TTC23: variants seen among roughly 807,000 people sequenced by gnomAD.
TTC23 encodes the protein tetratricopeptide repeat domain 23.
TTC23 carries 58 observed loss-of-function variants against 55.1 expected under a neutral mutation model. The observed-to-expected ratio is 1.05, with a 90% CI of 0.85 to 1.31. TTC23 has a LOEUF of 1.31. TTC23 is among the 50% of genes most tolerant of loss of function. The probability of loss-of-function intolerance (pLI) is 0.00; values close to 1 mark genes in which losing one functional copy is unlikely to be tolerated. For missense variants in TTC23, 516 were observed against 534.4 expected (o/e 0.97, Z 0.34); for synonymous variants, 203 against 199.9 (o/e 1.02, Z -0.13).
intron 10 of TTC23, among the ~76,000 whole-genome samples, chr15:99,166,582 G>A (rs541984869): frequency 6.2e-4 from 94 of 152,318 alleles, no homozygotes; most frequent in South Asian, 2.5e-3. Flanking sequence ...AAGGCAACGC[G>A]GCTATCAAAG....
intron 3 of TTC23, among the ~76,000 whole-genome samples, chr15:99,237,063 C>G (rs1333062608): frequency 6.6e-6 from 1 of 150,996 alleles, no homozygotes; most frequent in African/African-American, 2.4e-5. Flanking sequence ...CTCACTGCAA[C>G]CTTCGCCTCC....
intron 12 of TTC23, among the ~76,000 whole-genome samples, chr15:99,143,812 C>T (rs1172607889): frequency 6.6e-6 from 1 of 152,234 alleles, no homozygotes; most frequent in Non-Finnish European, 1.5e-5. Context: ...GTTTGTCTTG[C>T]TCACCACTGT....
intron 2 of TTC23, among the ~76,000 whole-genome samples, chr15:99,244,668 T>C (rs1423608172): frequency 1.3e-5 from 2 of 152,174 alleles, no homozygotes; most frequent in South Asian, 2.1e-4. Flanking sequence ...TCCATGTTCA[T>C]AGATTAAAAG....
intron 9 of TTC23, among the ~76,000 whole-genome samples, chr15:99,190,789 T>G (rs142185259): frequency 6.6e-6 from 1 of 151,068 alleles, no homozygotes; most frequent in East Asian, 2.0e-4. Context: ...TGTCTTTTTA[T>G]TTTTTTTTGA....
At chr15:99,190,740 T>C (rs1196705292) in intron 9 of TTC23, among the ~76,000 whole-genome samples, 1 of 152,164 alleles carries the variant, frequency 6.6e-6, no homozygotes, top group African/African-American at 2.4e-5. Context: ...GCATGCATAT[T>C]TGAATTCCTT....
intron 13 of TTC23, 37 bp from the exon 14 acceptor site, chr15:99,138,164 C>T (rs147534055): frequency 2.5e-6 from 4 of 1,607,348 alleles, no homozygotes; most frequent in African/African-American, 1.3e-5. Flanking sequence ...GTGTGGTGCC[C>T]CTCAGCCCCC....
At chr15:99,232,164 C>T (rs12441447) in intron 4 of TTC23, among the ~76,000 whole-genome samples, 13,204 of 151,010 alleles carry the variant, frequency 0.087, 826 homozygotes, top group East Asian at 0.31. Context: ...TAGAAAAAAG[C>T]TTATAGAGTA....
chr15:99,207,271 T>A (rs1316384621), intron 8 of TTC23, among the ~76,000 whole-genome samples: 1 of 152,162 alleles, frequency 6.6e-6, no homozygotes, highest in Non-Finnish European at 1.5e-5. Context: ...CTGAAGTACA[T>A]ACAATATATG....
chr15:99,205,902 G>C (rs565763228), intron 8 of TTC23, among the ~76,000 whole-genome samples: 2 of 152,274 alleles, frequency 1.3e-5, no homozygotes, highest in East Asian at 3.9e-4. Flanking sequence ...TTAGAGGAAA[G>C]GCTTTCAGTT....
At chr15:99,176,962 C>G (rs1020331389) in intron 9 of TTC23, among the ~76,000 whole-genome samples, 19 of 152,294 alleles carry the variant, frequency 1.2e-4, no homozygotes, top group Non-Finnish European at 2.4e-4. Context: ...TCAGGGAACC[C>G]TAATTCAGTC....
intron 10 of TTC23, among the ~76,000 whole-genome samples, chr15:99,163,623 C>G (rs1371481166): frequency 6.6e-6 from 1 of 152,234 alleles, no homozygotes; most frequent in Non-Finnish European, 1.5e-5. Flanking sequence ...ATGTCCCCCT[C>G]AAATTCATGT....
chr15:99,250,575 TAA>T (rs1313153703), upstream of TTC23, among the ~76,000 whole-genome samples: 1 of 152,222 alleles, frequency 6.6e-6, no homozygotes, highest in Non-Finnish European at 1.5e-5. Context: ...TGAGACACTT[TAA>T]AAAGTGTCTT....
At chr15:99,219,111 C>T (rs2077705551) in intron 6 of TTC23, 63 bp from the exon 7 acceptor site, 1 of 1,553,750 alleles carries the variant, frequency 6.4e-7, no homozygotes, top group Non-Finnish European at 8.8e-7. Flanking sequence ...GAATACAGTT[C>T]CTTATGGTCT....
chr15:99,213,575 C>T (rs951957141), intron 8 of TTC23, among the ~76,000 whole-genome samples: 19 of 152,262 alleles, frequency 1.2e-4, no homozygotes, highest in Admixed American at 6.5e-5. Context: ...AGACAGAATA[C>T]CTAATTTCTG....
At chr15:99,172,830 A>AT (rs2073111933) in intron 10 of TTC23, among the ~76,000 whole-genome samples, 1 of 152,212 alleles carries the variant, frequency 6.6e-6, no homozygotes, top group African/African-American at 2.4e-5. Flanking sequence ...TATTATTATC[A>AT]TTTTCAATTT....
At chr15:99,202,025 T>C (rs533661461) in intron 8 of TTC23, among the ~76,000 whole-genome samples, 4 of 152,204 alleles carry the variant, frequency 2.6e-5, no homozygotes, top group Admixed American at 6.5e-5. Context: ...TAAAGTTTTA[T>C]TGGCACAATG....
At position 99,218,935 on chromosome 15, in the gene TTC23, A is replaced by G. The variant is rs1298780443; in HGVS notation, c.418T>C (p.Phe140Leu). Reference protein sequence around the residue: ...TDVFKFSIELFHTMGRALLSL... With the variant: ...TDVFKFSIELLHTMGRALLSL... The stretch of plus-strand genomic sequence containing the variant: ...AGTAAAGCTCTGCCCATGGTATGGA[A>G]AAGCTCAATGGAAAACTTGAAAACA... The change falls in exon 7 of 14, where the codon TTC becomes CTC. Residue 140 changes from phenylalanine (F) to leucine (L), a missense_variant. Coordinates refer to ENST00000394132, the MANE Select transcript of TTC23 (RefSeq NM_001288615.3). 6.2e-7 allele frequency: 1 copy of G among 1,614,198 alleles called. No homozygotes were observed. The highest frequency in any genetic ancestry group is 1.7e-5 in the Admixed American group (1 of 60,024).
At chr15:99,242,151 T>C (rs1422693314) in intron 2 of TTC23, among the ~76,000 whole-genome samples, 1 of 140,776 alleles carries the variant, frequency 7.1e-6, no homozygotes. Flanking sequence ...AAAAAAAAGT[T>C]AAAAAAAAGA....
At chr15:99,225,423 G>C (rs1157557171) in intron 5 of TTC23, among the ~76,000 whole-genome samples, 1 of 152,144 alleles carries the variant, frequency 6.6e-6, no homozygotes. Context: ...TCTAAGGCTG[G>C]AAAGTCGAGA....
Sources: gnomAD v4.1 joint callset for allele counts (sites outside exome capture counted in the v4.1 genomes callset) on GRCh38, gnomAD v4.1.1 for gene constraint, MANE v1.5 for transcripts, NCBI Gene and HGNC (gene_info 2026-07-23, HGNC 2026-07-21) for gene names.